The following RSPO2 variants were observed in gnomAD, a reference collection of about 807,000 sequenced individuals.
The protein encoded by RSPO2 is R-spondin-2.
In RSPO2, 14 loss-of-function variants were observed where a neutral mutation model predicts 30.9. The observed-to-expected ratio is 0.45, with a 90% CI of 0.30 to 0.71. The LOEUF (loss-of-function observed/expected upper bound fraction) is 0.71. Ranked by LOEUF, RSPO2 falls within the 30% of genes least tolerant of loss-of-function variation. The pLI, the probability that RSPO2 is intolerant of heterozygous loss-of-function variation, is 0.08. For missense variants in RSPO2, 264 were observed against 301.9 expected, an observed-to-expected ratio of 0.87 and a Z score of 0.93; for synonymous variants, 107 against 96.4, an observed-to-expected ratio of 1.11 and a Z score of -0.64.
chr8:108,072,079 G>A (rs1203713977), intron 2 of RSPO2, among the ~76,000 whole-genome samples: 2 of 152,146 alleles, frequency 1.3e-5, no homozygotes, highest in African/African-American at 2.4e-5. Context: ...TTGGTCATAG[G>A]ATATTAATCT....
intron 2 of RSPO2, among the ~76,000 whole-genome samples, chr8:108,038,614 G>A (rs1242756474): frequency 1.3e-5 from 2 of 152,028 alleles, no homozygotes; most frequent in Non-Finnish European, 2.9e-5. Context: ...AAACATTGTT[G>A]TCTTCTTTTA....
At chr8:107,941,491 C>A (rs1812895606) in intron 5 of RSPO2, among the ~76,000 whole-genome samples, 1 of 152,090 alleles carries the variant, frequency 6.6e-6, no homozygotes, top group South Asian at 2.1e-4. Flanking sequence ...AAATGTAGAC[C>A]ATTTTTGTGT....
Position 107,989,098 on chromosome 8 carries a change from C to T in RSPO2, c.241G>A (p.Gly81Arg), listed in dbSNP as rs139268055. 7.5e-6 allele frequency: 12 copies of T among 1,609,420 alleles called. No homozygotes were observed. The highest frequency in any genetic ancestry group is 3.4e-5 in the Admixed American group (2 of 58,940). ...TCTGGGGCTCGGTGTCCATAGTACC[C>T]GGATGGGCAGGAATGCAGGCACTCT... ...YGECLHSCPS[G>R]YYGHRAPDMN... is the part of the protein sequence containing the mutation. Residue 81 changes from glycine (G) to arginine (R), a missense_variant, in exon 3 of 6, where the codon GGG (glycine) becomes AGG (arginine). Coordinates refer to ENST00000276659, the MANE Select transcript of RSPO2 (RefSeq NM_178565.5).
chr8:108,025,337 G>T (rs534316548), intron 2 of RSPO2, among the ~76,000 whole-genome samples: 1 of 152,110 alleles, frequency 6.6e-6, no homozygotes, highest in Non-Finnish European at 1.5e-5. Context: ...AGAGAGAACC[G>T]AAGTGTTCAA....
chr8:107,949,052 GT>G (rs1813158828), intron 5 of RSPO2, among the ~76,000 whole-genome samples: 1 of 150,992 alleles, frequency 6.6e-6, no homozygotes, highest in South Asian at 2.1e-4. Context: ...GGAACAGGTG[GT>G]TTTTGGTTAC....
chr8:108,073,865 G>A (rs961873732), intron 2 of RSPO2, among the ~76,000 whole-genome samples: 85 of 152,200 alleles, frequency 5.6e-4, no homozygotes, highest in African/African-American at 1.8e-3. Context: ...ACTCACACAA[G>A]GAAAATAAAC....
chr8:108,065,580 A>G (rs1308330660), intron 2 of RSPO2, among the ~76,000 whole-genome samples: 1 of 151,968 alleles, frequency 6.6e-6, no homozygotes, highest in Non-Finnish European at 1.5e-5. Flanking sequence ...ATTCAAAGCA[A>G]TGAGCTAAGT....
At position 107,949,457 on chromosome 8, in the gene RSPO2, C is replaced by T. The variant is rs887055930; in HGVS notation, c.616+8623G>A. ...CAATTTCGAATTGTACTGCTATAAA[C>T]GTAGATCTACATATTTCCTGCATTC... On this transcript the variant is annotated intron_variant, in intron 5 of 5. Coordinates refer to ENST00000276659, the MANE Select transcript of RSPO2 (RefSeq NM_178565.5). 5.3e-5 allele frequency among the ~76,000 whole-genome samples: 8 copies of T among 152,054 alleles called. No homozygotes were observed. In the East Asian group the frequency reaches 7.7e-4, roughly 15 times the overall value.
intron 2 of RSPO2, among the ~76,000 whole-genome samples, chr8:107,994,506 T>G (rs983241394): frequency 1.3e-4 from 20 of 152,254 alleles, no homozygotes; most frequent in African/African-American, 4.6e-4. Flanking sequence ...TGAAGTTCAC[T>G]GCATCTGATG....
chr8:108,037,011 C>A (rs1811619637), intron 2 of RSPO2, among the ~76,000 whole-genome samples: 1 of 152,136 alleles, frequency 6.6e-6, no homozygotes, highest in Admixed American at 6.5e-5. Flanking sequence ...CCTCCCTATG[C>A]CCTGTGGTAC....
intron 2 of RSPO2, among the ~76,000 whole-genome samples, chr8:108,072,311 G>A (rs1812871000): frequency 6.8e-6 from 1 of 147,190 alleles, no homozygotes; most frequent in Non-Finnish European, 1.5e-5. Context: ...CAATGAGATG[G>A]CAGAGAACTT....
chr8:108,063,807 C>A (rs1812561071), intron 2 of RSPO2, among the ~76,000 whole-genome samples: 1 of 152,156 alleles, frequency 6.6e-6, no homozygotes, highest in Admixed American at 6.5e-5. Flanking sequence ...ACCAAAACAG[C>A]ATGGTACTGG....
At chr8:107,967,086 C>T (rs1314825322) in intron 3 of RSPO2, among the ~76,000 whole-genome samples, 1 of 152,138 alleles carries the variant, frequency 6.6e-6, no homozygotes, top group African/African-American at 2.4e-5. Context: ...TTAGTCCCCA[C>T]ATAGTAGATG....
chr8:108,010,575 C>T (rs1039757045), intron 2 of RSPO2, among the ~76,000 whole-genome samples: 4 of 152,148 alleles, frequency 2.6e-5, no homozygotes, highest in African/African-American at 9.7e-5. Context: ...AAGACAACTT[C>T]ACAGTCAGGA....
chr8:108,015,489 A>C (rs1300770074), intron 2 of RSPO2, among the ~76,000 whole-genome samples: 4 of 152,112 alleles, frequency 2.6e-5, no homozygotes, highest in Admixed American at 2.6e-4. Flanking sequence ...GGTTCCTCTG[A>C]GCCCTCTGCT....
chr8:107,952,441 C>A (rs1285186068), intron 5 of RSPO2, among the ~76,000 whole-genome samples: 1 of 152,062 alleles, frequency 6.6e-6, no homozygotes, highest in Admixed American at 6.6e-5. Flanking sequence ...TCATAGCAAA[C>A]AGAAAGACAA....
In RSPO2 at chr8:108,082,641, G is replaced by A; in HGVS notation, c.-3C>T. 1 of 1,613,012 alleles carries A rather than the reference G, an allele frequency of 6.2e-7. No homozygotes were observed. Among genetic ancestry groups the A allele is most frequent in the East Asian group, 2.2e-5 (1 of 44,868 alleles). On this transcript the variant is annotated 5_prime_UTR_variant, in exon 2 of 6. Transcript: ENST00000276659. ...AAGGAGAAAAGGCGAAACTGCATCT[G>A]GGCGGTCGGGCGGGGGAGAGACGCC...
rs183927123 is a variant in RSPO2 at position 108,056,923 on chromosome 8, G to A, written c.94+25622C>T. Among the ~76,000 whole-genome samples the A allele has an allele frequency of 6.5e-3, 978 of 151,034 alleles. 1 individual carries two copies. Among genetic ancestry groups the A allele is most frequent in the Non-Finnish European group, 0.01 (678 of 67,736 alleles). Reference sequence around the variant, plus strand: ...AATACAAAAATTAGCCGGGCATGGTGGCACATGCCCGTAATCCCAGCTACT... The same window carrying A: ...AATACAAAAATTAGCCGGGCATGGTAGCACATGCCCGTAATCCCAGCTACT... On this transcript the variant is annotated intron_variant, in intron 2 of 5. Coordinates refer to ENST00000276659, the MANE Select transcript of RSPO2 (RefSeq NM_178565.5).
chr8:108,024,850 T>C (rs1381843500), intron 2 of RSPO2, among the ~76,000 whole-genome samples: 1 of 151,966 alleles, frequency 6.6e-6, no homozygotes, highest in Non-Finnish European at 1.5e-5. Flanking sequence ...AAAAACACAA[T>C]CTCTACTAGA....
Sources: gnomAD v4.1 joint callset for allele counts (sites outside exome capture counted in the v4.1 genomes callset) on GRCh38, gnomAD v4.1.1 for gene constraint, MANE v1.5 for transcripts, NCBI Gene and HGNC (gene_info 2026-07-23, HGNC 2026-07-21) for gene names.